ATRNL1: variants seen among roughly 807,000 people sequenced by gnomAD.
ATRNL1 encodes the protein attractin like 1, also known as attractin-like protein 1.
ATRNL1 carries 95 observed loss-of-function variants against 182.7 expected under a neutral mutation model. That is an observed-to-expected ratio of 0.52 (90% CI 0.44 to 0.62). ATRNL1 has a LOEUF of 0.62. Ranked by LOEUF, ATRNL1 falls within the 20% of genes least tolerant of loss-of-function variation. ATRNL1 has a pLI of 0.00. For synonymous variants in ATRNL1, 576 were observed against 568.3 expected (o/e 1.01, Z -0.19); for missense variants, 1,471 against 1,679.5 (o/e 0.88, Z 2.17).
At chr10:115,638,139 A>G (rs916208462) in intron 26 of ATRNL1, among the ~76,000 whole-genome samples, 1 of 152,102 alleles carries the variant, frequency 6.6e-6, no homozygotes, top group Admixed American at 6.6e-5. Context: ...TAAATGCCCT[A>G]TATAGGTATG....
chr10:115,664,383 A>G (rs552627079), intron 26 of ATRNL1, among the ~76,000 whole-genome samples: 7 of 152,198 alleles, frequency 4.6e-5, no homozygotes, highest in Non-Finnish European at 8.8e-5. Context: ...GCTATTAGAT[A>G]TGAGCAATAA....
At chr10:115,205,522 T>C (rs1202226423) in intron 8 of ATRNL1, among the ~76,000 whole-genome samples, 4 of 151,988 alleles carry the variant, frequency 2.6e-5, no homozygotes, top group African/African-American at 9.7e-5. Context: ...GTTCTTTGTG[T>C]TTCCTGTTTT....
intron 6 of ATRNL1, among the ~76,000 whole-genome samples, chr10:115,162,886 G>T (rs940321326): frequency 2.0e-5 from 3 of 151,850 alleles, no homozygotes; most frequent in African/African-American, 7.3e-5. Flanking sequence ...AAATGCTGAC[G>T]ATTATCCAGG....
chr10:115,116,417 A>G (rs1844487423), intron 1 of ATRNL1, among the ~76,000 whole-genome samples: 1 of 152,088 alleles, frequency 6.6e-6, no homozygotes, highest in South Asian at 2.1e-4. Flanking sequence ...ACACAATTGG[A>G]ATGTAAGGGT....
intron 26 of ATRNL1, among the ~76,000 whole-genome samples, chr10:115,713,449 G>GTGGGTGTGTGTGTGTT (rs1555055208): frequency 7.3e-6 from 1 of 137,598 alleles, no homozygotes; most frequent in Non-Finnish European, 1.6e-5. Flanking sequence ...GTGGCTGTGT[G>GTGGGTGTGTGTGTGTT]TGTGTGTGTG....
chr10:115,218,723 T>A (rs966654679), intron 9 of ATRNL1, among the ~76,000 whole-genome samples: 6 of 152,316 alleles, frequency 3.9e-5, no homozygotes, highest in Admixed American at 3.9e-4. Context: ...CCTGCCAACT[T>A]GAATGCAGTT....
chr10:115,577,653 T>TGTAG (rs71010030), intron 26 of ATRNL1, among the ~76,000 whole-genome samples: 1 of 146,956 alleles, frequency 6.8e-6, no homozygotes, highest in African/African-American at 2.5e-5. Context: ...TGTGTGTGTG[T>TGTAG]AGCCTTATAG....
intron 24 of ATRNL1, among the ~76,000 whole-genome samples, chr10:115,474,588 T>C (rs146105568): frequency 3.0e-4 from 46 of 151,268 alleles, no homozygotes; most frequent in African/African-American, 8.0e-4. Flanking sequence ...AAGGGAGATA[T>C]AGAGGTTTTT....
intron 27 of ATRNL1, among the ~76,000 whole-genome samples, chr10:115,834,661 G>A (rs961802580): frequency 6.6e-6 from 1 of 152,160 alleles, no homozygotes; most frequent in South Asian, 2.1e-4. Context: ...ATCTGTATTA[G>A]CAAAGCATCT....
At chr10:115,149,254 G>A (rs1461863594) in intron 5 of ATRNL1, among the ~76,000 whole-genome samples, 1 of 152,076 alleles carries the variant, frequency 6.6e-6, no homozygotes, top group Admixed American at 6.6e-5. Context: ...GAATATACCT[G>A]GCTTCCAGGT....
chr10:115,364,036 T>G (rs1346804424), intron 19 of ATRNL1, among the ~76,000 whole-genome samples: 1 of 151,508 alleles, frequency 6.6e-6, no homozygotes, highest in Non-Finnish European at 1.5e-5. Flanking sequence ...TTTAAAGTAG[T>G]TTTTTCCAAT....
intron 9 of ATRNL1, among the ~76,000 whole-genome samples, chr10:115,226,332 T>A (rs1286471765): frequency 6.6e-6 from 1 of 152,086 alleles, no homozygotes; most frequent in Non-Finnish European, 1.5e-5. Flanking sequence ...AATATCTTCA[T>A]ATTTATGAGT....
chr10:115,259,248 G>A (rs536128886), intron 10 of ATRNL1, among the ~76,000 whole-genome samples: 1 of 152,294 alleles, frequency 6.6e-6, no homozygotes, highest in African/African-American at 2.4e-5. Flanking sequence ...GAGACGGTAG[G>A]CCTTGGTGAG....
intron 19 of ATRNL1, among the ~76,000 whole-genome samples, chr10:115,347,247 C>T (rs60615513): frequency 0.013 from 2,051 of 152,154 alleles, 40 homozygotes; most frequent in African/African-American, 0.043. Flanking sequence ...ATACTTTCTC[C>T]GGTAGTTTAT....
At chr10:115,834,278 CTTGGGAT>C (rs1235348333) in intron 27 of ATRNL1, among the ~76,000 whole-genome samples, 1 of 152,164 alleles carries the variant, frequency 6.6e-6, no homozygotes, top group Non-Finnish European at 1.5e-5. Flanking sequence ...TATTTTGTCA[CTTGGGAT>C]TTCAATCAGA....
At chr10:115,888,936 C>G (rs1176862438) in intron 28 of ATRNL1, among the ~76,000 whole-genome samples, 2 of 152,298 alleles carry the variant, frequency 1.3e-5, no homozygotes, top group East Asian at 3.9e-4. Flanking sequence ...CTGACTCCTC[C>G]TAAATGAATG....
At chr10:115,180,663 T>G (rs1333551119) in intron 8 of ATRNL1, among the ~76,000 whole-genome samples, 1 of 151,960 alleles carries the variant, frequency 6.6e-6, no homozygotes, top group Non-Finnish European at 1.5e-5. Flanking sequence ...AAAAGCAACC[T>G]ACAGATCAAG....
At position 115,334,358 on chromosome 10, in the gene ATRNL1, G is replaced by A; in HGVS notation, c.3114G>A (p.Lys1038=). The A allele has an allele frequency of 1.2e-6, 2 of 1,607,962 alleles. No homozygotes were observed. The highest frequency in any genetic ancestry group is 2.2e-5 in the South Asian group (2 of 90,456). The change falls in exon 19 of 29, where the codon AAG becomes AAA. Residue 1038 remains lysine, a synonymous_variant. Transcript: ENST00000355044. ...AGTGTAAAAATCTCACCACAGGAAAGCAGTGTCAAGATTGTATGCCAGGTT... is the reference window on the plus strand; with the variant it reads ...AGTGTAAAAATCTCACCACAGGAAAACAGTGTCAAGATTGTATGCCAGGTT... ...CEQCKNLTTG[K]QCQDCMPGYY...
chr10:115,799,505 G>A (rs1453176447), intron 27 of ATRNL1, among the ~76,000 whole-genome samples: 4 of 152,124 alleles, frequency 2.6e-5, no homozygotes, highest in African/African-American at 4.8e-5. Flanking sequence ...ATTCTCTCTG[G>A]ATCAGGCCAA....
Sources: gnomAD v4.1 joint callset for allele counts (sites outside exome capture counted in the v4.1 genomes callset) on GRCh38, gnomAD v4.1.1 for gene constraint, MANE v1.5 for transcripts, NCBI Gene and HGNC (gene_info 2026-07-23, HGNC 2026-07-21) for gene names.